Variants in RP1 observed in about 807,000 individuals in gnomAD.
The protein encoded by RP1 is RP1 axonemal microtubule associated, also known as oxygen-regulated protein 1.
A neutral mutation model predicts 14.8 loss-of-function variants in RP1; 16 were observed. The observed-to-expected ratio is 1.08, with a 90% CI of 0.73 to 1.65. The LOEUF (loss-of-function observed/expected upper bound fraction) is 1.65. RP1 is among the 40% of genes most tolerant of loss of function. RP1 has a pLI of 0.00. For synonymous variants in RP1, 876 were observed against 883.6 expected, an observed-to-expected ratio of 0.99 and a Z score of 0.15; for missense variants, 2,631 against 2,535.0, an observed-to-expected ratio of 1.04 and a Z score of -0.81.
chr8:54,729,374 A>G (rs1470272817), intron 17 of RP1, among the ~76,000 whole-genome samples: 2 of 152,180 alleles, frequency 1.3e-5, no homozygotes, highest in Non-Finnish European at 2.9e-5. Flanking sequence ...CAGCCATGGC[A>G]TTTTCTTTCC....
intron 8 of RP1, among the ~76,000 whole-genome samples, chr8:54,677,662 G>A (rs1263467563): frequency 1.3e-5 from 2 of 152,112 alleles, no homozygotes; most frequent in Admixed American, 6.6e-5. Context: ...AGGAGTTCAA[G>A]GCTATGGTGA....
At chr8:54,839,384 A>G (rs1005933637) in intron 25 of RP1, among the ~76,000 whole-genome samples, 2 of 152,184 alleles carry the variant, frequency 1.3e-5, no homozygotes, top group African/African-American at 4.8e-5. Flanking sequence ...ACATGCCTAC[A>G]AACAGGTCTC....
At chr8:54,707,762 G>A (rs888577983) in intron 15 of RP1, among the ~76,000 whole-genome samples, 1 of 152,174 alleles carries the variant, frequency 6.6e-6, no homozygotes, top group East Asian at 1.9e-4. Flanking sequence ...GTGAGTTTGT[G>A]TCAGGTGAGC....
At chr8:54,847,054 TC>T (rs1333371138) in intron 25 of RP1, among the ~76,000 whole-genome samples, 1 of 152,150 alleles carries the variant, frequency 6.6e-6, no homozygotes, top group Non-Finnish European at 1.5e-5. Context: ...ACAGGATGCT[TC>T]CTCAGGGCTG....
intron 24 of RP1, among the ~76,000 whole-genome samples, chr8:54,788,892 A>C (rs1810392723): frequency 6.6e-6 from 1 of 152,164 alleles, no homozygotes; most frequent in Non-Finnish European, 1.5e-5. Context: ...GGTGAGGCTG[A>C]TGCACCCCAC....
chr8:54,840,268 A>ATTT (rs1811760180), intron 25 of RP1, among the ~76,000 whole-genome samples: 1 of 151,802 alleles, frequency 6.6e-6, no homozygotes, highest in Non-Finnish European at 1.5e-5. Context: ...TATTATTATT[A>ATTT]TTGAGATGGA....
chr8:54,611,615 A>C (rs185749139), upstream of RP1, among the ~76,000 whole-genome samples: 44 of 151,816 alleles, frequency 2.9e-4, no homozygotes, highest in Non-Finnish European at 4.6e-4. Flanking sequence ...GTTTTTGTCC[A>C]TGTGTTCCTT....
At chr8:54,593,940 G>A (rs1805089984) in intron 1 of RP1, among the ~76,000 whole-genome samples, 1 of 152,258 alleles carries the variant, frequency 6.6e-6, no homozygotes, top group African/African-American at 2.4e-5. Flanking sequence ...AGAGGAAGGT[G>A]AAAGTCAGTG....
chr8:54,563,799 T>G (rs1179918571), intron 1 of RP1, among the ~76,000 whole-genome samples: 1 of 152,178 alleles, frequency 6.6e-6, no homozygotes, highest in Non-Finnish European at 1.5e-5. Context: ...CTCTCCTGCC[T>G]CTGCCTCCCA....
At chr8:54,759,330 A>G (rs1251537157) in intron 22 of RP1, among the ~76,000 whole-genome samples, 1 of 152,184 alleles carries the variant, frequency 6.6e-6, no homozygotes, top group Non-Finnish European at 1.5e-5. Context: ...AAGGACCAAA[A>G]GTTTAATACT....
At chr8:54,818,201 C>T (rs532211421) in intron 24 of RP1, among the ~76,000 whole-genome samples, 59 of 152,360 alleles carry the variant, frequency 3.9e-4, no homozygotes, top group Admixed American at 9.8e-4. Flanking sequence ...ACCAAATGTT[C>T]ACTGAAGTCC....
intron 8 of RP1, among the ~76,000 whole-genome samples, chr8:54,674,511 C>CA (rs34448195): frequency 0.28 from 27,956 of 100,748 alleles, 3,302 homozygotes; most frequent in East Asian, 0.45. Context: ...GGACACATAC[C>CA]AAAAAAAAAA....
intron 24 of RP1, among the ~76,000 whole-genome samples, chr8:54,820,938 AGAATATCCTTAGGC>A (rs1811241490): frequency 6.6e-6 from 1 of 152,282 alleles, no homozygotes; most frequent in South Asian, 2.1e-4. Flanking sequence ...CCAGGAGGAG[AGAATATCCTTAGGC>A]GAAGCAGCAA....
At chr8:54,695,335 C>T (rs139674680) in intron 12 of RP1, among the ~76,000 whole-genome samples, 2 of 151,844 alleles carry the variant, frequency 1.3e-5, no homozygotes, top group East Asian at 1.9e-4. Context: ...GATAGTCTTA[C>T]GTGTGGGACT....
At chr8:54,679,357 A>G in intron 9 of RP1, 1 of 1,379,922 alleles carries the variant, frequency 7.2e-7, no homozygotes, top group South Asian at 1.2e-5. Flanking sequence ...TTGGGAAGAT[A>G]ATTGCCAATG....
intron 22 of RP1, chr8:54,759,158 G>C: frequency 7.6e-7 from 1 of 1,316,546 alleles, no homozygotes; most frequent in African/African-American, 1.5e-5. Context: ...GTGTGTGTGT[G>C]TGTGTGTGTG....
intron 1 of RP1, among the ~76,000 whole-genome samples, chr8:54,562,426 G>A (rs1389874241): frequency 1.3e-5 from 2 of 152,116 alleles, no homozygotes; most frequent in Non-Finnish European, 2.9e-5. Flanking sequence ...GGTGGCTCAC[G>A]CCTGTAATCC....
intron 12 of RP1, among the ~76,000 whole-genome samples, chr8:54,694,735 G>T (rs1447086801): frequency 1.3e-5 from 2 of 150,856 alleles, no homozygotes; most frequent in Non-Finnish European, 2.9e-5. Flanking sequence ...TCTTGCTAGC[G>T]GTCTATCAAT....
rs755260558 is a variant in RP1, at chr8:54,754,954, G to A, written c.2941+19G>A. On this transcript the variant is annotated intron_variant, in intron 20 of 22. Transcript: ENST00000636932. ...TTTCCATGTGTGTTTTTAATCTTCA[G>A]TAGCATCTATTCCATAGACAAATTG... is the stretch of plus-strand genomic sequence containing the variant. 106 of 1,509,036 alleles carry A rather than the reference G, an allele frequency of 7.0e-5. No individual in the cohort carries two copies. In the South Asian group the frequency reaches 1.2e-3, roughly 18 times the overall value. The allele number at this position is 1,509,036 out of a possible 1,614,324, so 93.5% of individuals were successfully genotyped here.
Sources: gnomAD v4.1 joint callset for allele counts (sites outside exome capture counted in the v4.1 genomes callset) on GRCh38, gnomAD v4.1.1 for gene constraint, MANE v1.5 for transcripts, NCBI Gene and HGNC (gene_info 2026-07-23, HGNC 2026-07-21) for gene names.